The following ZNF277 variants were observed in gnomAD, a reference collection of about 807,000 sequenced individuals.
ZNF277 encodes the protein zinc finger protein 277, also known as nuclear receptor-interacting factor 4.
ZNF277 carries 55 observed loss-of-function variants against 60.7 expected under a neutral mutation model. The ratio of observed to expected loss-of-function variants is 0.91; its 90% confidence interval spans 0.73 to 1.13. The LOEUF (loss-of-function observed/expected upper bound fraction) is 1.13. ZNF277 is among the 50% of genes most tolerant of loss of function. The pLI is 0.00. For synonymous variants in ZNF277, 178 were observed against 179.3 expected, an observed-to-expected ratio of 0.99 and a Z score of 0.06; for missense variants, 510 against 523.0, an observed-to-expected ratio of 0.98 and a Z score of 0.24.
intron 1 of ZNF277, among the ~76,000 whole-genome samples, chr7:112,233,760 G>C (rs1366089070): frequency 6.6e-6 from 1 of 152,056 alleles, no homozygotes; most frequent in East Asian, 1.9e-4. Flanking sequence ...TAAATCACAG[G>C]TTCCAATATT....
chr7:112,273,851 A>T (rs1563211836), intron 1 of ZNF277, among the ~76,000 whole-genome samples: 2 of 152,160 alleles, frequency 1.3e-5, no homozygotes, highest in Non-Finnish European at 2.9e-5. Context: ...CCTGAAAGTG[A>T]ACTAGAAGGG....
intron 1 of ZNF277, among the ~76,000 whole-genome samples, chr7:112,226,980 C>T (rs1244824645): frequency 2.0e-5 from 3 of 152,148 alleles, no homozygotes; most frequent in Non-Finnish European, 4.4e-5. Context: ...TTCTCACTTA[C>T]ATTAAATGTA....
rs1170078999 is a variant in ZNF277 at position 112,296,912 on chromosome 7, ATTT to A, written c.465+632_465+634del. Among the ~76,000 whole-genome samples the A allele has an allele frequency of 6.4e-3, 253 of 39,682 alleles. 5 individuals carry two copies. The highest frequency in any genetic ancestry group is 0.012 in the African/African-American group (220 of 17,656). The allele number at this position is 39,682 out of a possible 152,430, so 26.0% of individuals were successfully genotyped here. ...ATTTTATTTATTTATTTATTTATTT[ATTT>A]TTTTTTTTTTTTTTTTTTTTTTTTT... On this transcript the variant is annotated intron_variant, in intron 4 of 11. Transcript: ENST00000361822.
At chr7:112,303,935 A>G (rs1792535855) in intron 4 of ZNF277, among the ~76,000 whole-genome samples, 1 of 152,106 alleles carries the variant, frequency 6.6e-6, no homozygotes, top group Admixed American at 6.6e-5. Flanking sequence ...TTGCAGTTTC[A>G]GAAACGGTGG....
chr7:112,304,206 AAT>A (rs1393224289), intron 4 of ZNF277, among the ~76,000 whole-genome samples: 1 of 152,122 alleles, frequency 6.6e-6, no homozygotes, highest in Non-Finnish European at 1.5e-5. Flanking sequence ...TTTTGCCATT[AAT>A]AGTTTTTGTT....
chr7:112,303,027 C>T (rs1792513935), intron 4 of ZNF277, among the ~76,000 whole-genome samples: 1 of 150,336 alleles, frequency 6.7e-6, no homozygotes, highest in East Asian at 2.0e-4. Flanking sequence ...TGGCTCACTG[C>T]AACCCCACCT....
At chr7:112,265,814 A>G (rs1482107982) in intron 1 of ZNF277, among the ~76,000 whole-genome samples, 4 of 152,198 alleles carry the variant, frequency 2.6e-5, no homozygotes, top group South Asian at 2.1e-4. Flanking sequence ...TCAAAACACT[A>G]TAAGGGTTAG....
chr7:112,289,985 G>A (rs1792169497), intron 2 of ZNF277, among the ~76,000 whole-genome samples: 1 of 151,874 alleles, frequency 6.6e-6, no homozygotes, highest in African/African-American at 2.4e-5. Context: ...CTGGTGCGCT[G>A]CACCTAATTT....
At chr7:112,280,348 A>G (rs1405280928) in intron 1 of ZNF277, among the ~76,000 whole-genome samples, 2 of 152,202 alleles carry the variant, frequency 1.3e-5, no homozygotes, top group African/African-American at 4.8e-5. Context: ...ATCAATAAAA[A>G]TGTTAATAAT....
chr7:112,342,932 T>A lies in ZNF277; in HGVS notation c.*203T>A. On this transcript the variant is annotated 3_prime_UTR_variant, in exon 12 of 12. Coordinates refer to ENST00000361822, the MANE Select transcript of ZNF277 (RefSeq NM_021994.3). ...ACTAAGAACATGAAAAAAAATGAAG[T>A]AGGAAAATAAGATGAAGACTTTGTA... 1 of 372,554 alleles carries A rather than the reference T, an allele frequency of 2.7e-6. No homozygotes were observed. The highest frequency in any genetic ancestry group is 4.7e-6 in the Non-Finnish European group (1 of 210,636). 23.1% of individuals were successfully genotyped at this position (372,554 alleles called of 1,614,324 possible). A position where few individuals can be genotyped will look rare whatever the true frequency, so the allele number is the denominator to read the frequency against.
chr7:112,286,886 T>A lies in ZNF277; in HGVS notation c.105T>A (p.Cys35Ter). 1 of 1,424,824 alleles carries A rather than the reference T, an allele frequency of 7.0e-7. No individual in the cohort carries two copies. The highest frequency in any genetic ancestry group is 9.7e-7 in the Non-Finnish European group (1 of 1,033,430). 88.3% of individuals were successfully genotyped at this position (1,424,824 alleles called of 1,614,324 possible). The change falls in exon 2 of 12, where the codon TGT (cysteine) becomes TGA (stop). Residue 35 changes from cysteine (C) to a stop codon, truncating the protein, a stop_gained. Transcript: ENST00000361822. LOFTEE classifies it high-confidence loss of function. Reference sequence around the variant, plus strand: ...GGTCTATTCCAGACAGTAAGGATTGTATCCTGGAGCCGCTTTCCCTGCCAG... The same window carrying A: ...GGTCTATTCCAGACAGTAAGGATTGAATCCTGGAGCCGCTTTCCCTGCCAG... ...GGVGYGDSKDCILEPLSLPES... is the reference protein window; with the variant it reads ...GGVGYGDSKD
intron 1 of ZNF277, among the ~76,000 whole-genome samples, chr7:112,241,323 T>G (rs780371873): frequency 2.2e-4 from 34 of 152,120 alleles, no homozygotes; most frequent in East Asian, 1.5e-3. Flanking sequence ...TTATCTCACC[T>G]CAGTTAAAAT....
intron 1 of ZNF277, among the ~76,000 whole-genome samples, chr7:112,207,162 A>C (rs1821532245): frequency 6.6e-6 from 1 of 152,146 alleles, no homozygotes; most frequent in Non-Finnish European, 1.5e-5. Flanking sequence ...GCGTGTGTTT[A>C]TAATTTTGGG....
intron 1 of ZNF277, among the ~76,000 whole-genome samples, chr7:112,252,533 G>A (rs1234905927): frequency 5.3e-5 from 8 of 152,018 alleles, no homozygotes; most frequent in South Asian, 4.2e-4. Context: ...ATATATACCC[G>A]TGATGTCGCT....
At chr7:112,238,248 G>C (rs985251653) in intron 1 of ZNF277, among the ~76,000 whole-genome samples, 2 of 152,232 alleles carry the variant, frequency 1.3e-5, no homozygotes, top group South Asian at 2.1e-4. Context: ...GCTTAGGGGA[G>C]GGAGAGCGCA....
chr7:112,313,583 A>G (rs1286665324), intron 4 of ZNF277, among the ~76,000 whole-genome samples: 2 of 152,108 alleles, frequency 1.3e-5, no homozygotes, highest in African/African-American at 4.8e-5. Flanking sequence ...GTAAAATTCT[A>G]TGTATCTCTG....
At chr7:112,267,217 G>C (rs1791568849) in intron 1 of ZNF277, among the ~76,000 whole-genome samples, 1 of 152,094 alleles carries the variant, frequency 6.6e-6, no homozygotes, top group Non-Finnish European at 1.5e-5. Flanking sequence ...ATGTATATTG[G>C]ATATGTTAAA....
intron 4 of ZNF277, among the ~76,000 whole-genome samples, chr7:112,298,456 A>T (rs1792402099): frequency 6.6e-6 from 1 of 152,196 alleles, no homozygotes; most frequent in South Asian, 2.1e-4. Context: ...CTTAGATAGA[A>T]AAATTTTTAT....
chr7:112,289,939 T>C (rs1416439059), intron 2 of ZNF277, among the ~76,000 whole-genome samples: 1 of 152,088 alleles, frequency 6.6e-6, no homozygotes, highest in Non-Finnish European at 1.5e-5. Flanking sequence ...ATGTGCACAT[T>C]GTGCAGGTTA....
Sources: gnomAD v4.1 joint callset for allele counts (sites outside exome capture counted in the v4.1 genomes callset) on GRCh38, gnomAD v4.1.1 for gene constraint, MANE v1.5 for transcripts, NCBI Gene and HGNC (gene_info 2026-07-23, HGNC 2026-07-21) for gene names.